Variants in RADIL observed in about 807,000 individuals in gnomAD.
RADIL encodes the protein ras-associating and dilute domain-containing protein.
In RADIL, 99 loss-of-function variants were observed where a neutral mutation model predicts 97.6. The ratio of observed to expected loss-of-function variants is 1.01; its 90% CI spans 0.86 to 1.20. The LOEUF (loss-of-function observed/expected upper bound fraction) is 1.20, where lower values mean the gene tolerates loss of function less well. RADIL is among the 50% of genes most tolerant of loss of function. The pLI is 0.00. For missense variants in RADIL, 1,765 were observed against 1,498.9 expected (o/e 1.18, Z -2.93); for synonymous variants, 803 against 691.8 (o/e 1.16, Z -2.52).
chr7:4,833,495 G>A (rs2115224698), intron 4 of RADIL, among the ~76,000 whole-genome samples: 1 of 152,344 alleles, frequency 6.6e-6, no homozygotes, highest in South Asian at 2.1e-4. Flanking sequence ...AACCCGAGGG[G>A]AAGAGGCACG....
At chr7:4,853,742 C>CAAAAAAAAAAA (rs34610093) in intron 2 of RADIL, among the ~76,000 whole-genome samples, 1 of 101,082 alleles carries the variant, frequency 9.9e-6, no homozygotes, top group African/African-American at 3.7e-5. Context: ...AACTCTGTCT[C>CAAAAAAAAAAA]AAAAAAAAAA....
rs1784003576 is a variant in RADIL, at chr7:4,861,665, G to T, written c.535+15940C>A. 5 of 1,601,064 alleles carry T rather than the reference G, an allele frequency of 3.1e-6. No individual in the cohort carries two copies. Among genetic ancestry groups the T allele is most frequent in the Non-Finnish European group, 4.3e-6 (5 of 1,174,012 alleles). On this transcript the variant is annotated intron_variant, in intron 2 of 14. Coordinates refer to ENST00000399583, the MANE Select transcript of RADIL (RefSeq NM_018059.5). ...CTCTTCCTCTTCGAAGACCCCGAAGGGCCTGAGGGTTTCTATTAGCCTCTG... is the reference window on the plus strand; with the variant it reads ...CTCTTCCTCTTCGAAGACCCCGAAGTGCCTGAGGGTTTCTATTAGCCTCTG...
rs1400795286 is a variant in RADIL, at chr7:4,824,926, G to A, written c.1455-2372C>T. 6.6e-6 allele frequency among the ~76,000 whole-genome samples: 1 copy of A among 152,194 alleles called. No homozygotes were observed. The highest frequency in any genetic ancestry group is 1.5e-5 in the Non-Finnish European group (1 of 68,038). ...CCTGTCCCAGGAAACAAGTGACCAG[G>A]CTTTGCAACTGGAGTTTCGGGATCA... On this transcript the variant is annotated intron_variant, in intron 5 of 14. Transcript: ENST00000399583. This position sits in a 1 kb window ranked among gnomAD's most constrained non-coding sequence, Gnocchi z 6.7.
At chr7:4,830,254 G>A (rs1783102517) in intron 5 of RADIL, among the ~76,000 whole-genome samples, 1 of 152,222 alleles carries the variant, frequency 6.6e-6, no homozygotes, top group South Asian at 2.1e-4. Context: ...CCTGCCACCA[G>A]GAGGAGACAT....
At chr7:4,800,139 TG>T (rs1661185675) in intron 13 of RADIL, 31 bp downstream of exon 13, 3 of 1,560,674 alleles carry the variant, frequency 1.9e-6, no homozygotes, top group African/African-American at 2.7e-5. Context: ...GCAGCCAGTA[TG>T]GGGGTGCGGC....
Position 4,857,493 on chromosome 7 carries a change from T to C in RADIL, c.535+20112A>G, listed in dbSNP as rs75552936. 8.8e-4 allele frequency among the ~76,000 whole-genome samples: 134 copies of C among 152,326 alleles called. 1 individual carries two copies. In the East Asian group the frequency reaches 0.025, roughly 29 times the overall value. On this transcript the variant is annotated intron_variant, in intron 2 of 14. Transcript: ENST00000399583. Reference sequence around the variant, plus strand: ...AGATCGTGTTTTCTTTTTACTCTATTTTTTTGTATGCTTTCCCCCTTTCTT... The same window carrying C: ...AGATCGTGTTTTCTTTTTACTCTATCTTTTTGTATGCTTTCCCCCTTTCTT...
In RADIL at chr7:4,873,534, G is replaced by T. The variant is rs541644595; in HGVS notation, c.535+4071C>A. Among the ~76,000 whole-genome samples, 9 of 152,300 alleles carry T rather than the reference G, an allele frequency of 5.9e-5. No individual in the cohort carries two copies. The East Asian group carries it at 1.6e-3, about 26-fold the overall frequency. On this transcript the variant is annotated intron_variant, in intron 2 of 14. Coordinates refer to ENST00000399583, the MANE Select transcript of RADIL (RefSeq NM_018059.5). The surrounding 1 kb of genome is among the most constrained non-coding windows in gnomAD (Gnocchi z 4.3). ...TGGGAGAGAATGCAGGAGCTGAAGG[G>T]GCCCTGGCGTGCGCTGGACCTCACT...
intron 4 of RADIL, among the ~76,000 whole-genome samples, chr7:4,832,867 G>C (rs1279167248): frequency 6.6e-6 from 1 of 152,192 alleles, no homozygotes; most frequent in Non-Finnish European, 1.5e-5. Flanking sequence ...AATGAGGACG[G>C]GGCAGCGGCG....
rs934473056 is a variant in RADIL, at chr7:4,849,374, TAATG to T, written c.536-12773_536-12770del. ...TTTTCATTCTACTGCAAGAATGAAT[TAATG>T]AATGAATGAACGTTGATGGGATCAA... On this transcript the variant is annotated intron_variant, in intron 2 of 14. Coordinates refer to ENST00000399583, the MANE Select transcript of RADIL (RefSeq NM_018059.5). The surrounding 1 kb of genome is among the most constrained non-coding windows in gnomAD (Gnocchi z 5.4). Among the ~76,000 whole-genome samples the T allele has an allele frequency of 6.6e-6, 1 of 152,210 alleles. No homozygotes were observed. Among genetic ancestry groups the T allele is most frequent in the Admixed American group, 6.5e-5 (1 of 15,282 alleles).
At chr7:4,829,459 T>A (rs1783081658) in intron 5 of RADIL, among the ~76,000 whole-genome samples, 1 of 152,198 alleles carries the variant, frequency 6.6e-6, no homozygotes, top group South Asian at 2.1e-4. Flanking sequence ...AGCTGTCCCA[T>A]GCCTGTCCCT....
intron 5 of RADIL, among the ~76,000 whole-genome samples, chr7:4,823,762 T>G (rs1270678815): frequency 6.6e-6 from 1 of 152,218 alleles, no homozygotes; most frequent in Non-Finnish European, 1.5e-5. Context: ...TGGTGTGACT[T>G]GACACTGCCT....
intron 2 of RADIL, chr7:4,862,028 C>G (rs956413877): frequency 7.2e-6 from 3 of 415,722 alleles, no homozygotes; most frequent in East Asian, 7.1e-5. Context: ...CGTTCCAGAA[C>G]CTACCGTACA....
intron 2 of RADIL, among the ~76,000 whole-genome samples, chr7:4,856,087 G>A (rs74785825): frequency 0.097 from 14,528 of 149,594 alleles, 757 homozygotes; most frequent in South Asian, 0.15. Context: ...TGGCTTACAA[G>A]CATGAACCAC....
At chr7:4,843,402 G>T (rs2115012432) in intron 2 of RADIL, among the ~76,000 whole-genome samples, 1 of 152,256 alleles carries the variant, frequency 6.6e-6, no homozygotes, top group South Asian at 2.1e-4. Flanking sequence ...ACAGAGGTCA[G>T]ATGGGCCTGA....
chr7:4,860,053 T>G (rs370627731), intron 2 of RADIL: 3 of 1,613,950 alleles, frequency 1.9e-6, no homozygotes, highest in Non-Finnish European at 2.5e-6. Context: ...ATGCAACCCC[T>G]GAACTTTCAT....
intron 10 of RADIL, among the ~76,000 whole-genome samples, chr7:4,804,509 G>A (rs1418569978): frequency 1.3e-5 from 2 of 152,226 alleles, no homozygotes; most frequent in African/African-American, 4.8e-5. Flanking sequence ...ACCCCTGGCC[G>A]GGGGTGGCGG....
intron 2 of RADIL, among the ~76,000 whole-genome samples, chr7:4,839,474 G>T (rs550925794): frequency 6.6e-6 from 1 of 152,238 alleles, no homozygotes; most frequent in Admixed American, 6.5e-5. Flanking sequence ...TTTACCACAT[G>T]GCGGCTGTCC....
chr7:4,804,952 G>A (rs1003535021), intron 10 of RADIL, among the ~76,000 whole-genome samples: 2 of 151,936 alleles, frequency 1.3e-5, no homozygotes, highest in African/African-American at 4.8e-5. Flanking sequence ...AAATTAGTTG[G>A]GCGTGGTGGC....
At chr7:4,804,922 C>T (rs1051361547) in intron 10 of RADIL, among the ~76,000 whole-genome samples, 2 of 151,936 alleles carry the variant, frequency 1.3e-5, no homozygotes, top group Admixed American at 1.3e-4. Flanking sequence ...TGGTGAAACC[C>T]GTCTCTACTA....
Sources: allele counts gnomAD v4.1 joint callset (sites outside exome capture counted in the v4.1 genomes callset), GRCh38; gene constraint gnomAD v4.1.1; non-coding constraint Gnocchi (gnomAD v3.1); transcripts MANE v1.5; gene names NCBI Gene and HGNC (gene_info 2026-07-23, HGNC 2026-07-21).